Variants in CREB5 observed in about 807,000 individuals in gnomAD.
CREB5 encodes the protein cyclic AMP-responsive element-binding protein 5.
Under a neutral mutation model 57.1 loss-of-function variants are expected in CREB5, and 19 were observed. The observed-to-expected ratio is 0.33, with a 90% CI of 0.23 to 0.49. CREB5 has a LOEUF of 0.49. Among genes scored for constraint, CREB5 ranks in the 20% least tolerant of loss-of-function variants. The probability of loss-of-function intolerance (pLI) is 0.99; values close to 1 mark genes in which losing one functional copy is unlikely to be tolerated. For missense variants in CREB5, 579 were observed against 671.6 expected, an observed-to-expected ratio of 0.86 and a Z score of 1.52; for synonymous variants, 238 against 238.3, an observed-to-expected ratio of 1.00 and a Z score of 0.01.
chr7:28,380,904 C>A (rs951584867), intron 1 of CREB5, among the ~76,000 whole-genome samples: 2 of 152,098 alleles, frequency 1.3e-5, no homozygotes, highest in African/African-American at 4.8e-5. Flanking sequence ...CCCAGCACAG[C>A]AATAGTAAGG....
chr7:28,580,584 TGTGTGTGTGAGA>T (rs1322791655), intron 5 of CREB5, among the ~76,000 whole-genome samples: 1 of 146,012 alleles, frequency 6.8e-6, no homozygotes, highest in Non-Finnish European at 1.5e-5. Flanking sequence ...TGTGTGTGTG[TGTGTGTGTGAGA>T]GAGAGATAGA....
At chr7:28,783,291 G>A (rs944222022) in intron 7 of CREB5, among the ~76,000 whole-genome samples, 41 of 152,138 alleles carry the variant, frequency 2.7e-4, no homozygotes, top group African/African-American at 9.7e-4. Flanking sequence ...TTTGCTGCTT[G>A]ATTAGCCAGC....
intron 5 of CREB5, among the ~76,000 whole-genome samples, chr7:28,704,720 A>G (rs1802022603): frequency 6.6e-6 from 1 of 151,996 alleles, no homozygotes; most frequent in African/African-American, 2.4e-5. Context: ...GCCTCCCAAA[A>G]CACTGGGATT....
At chr7:28,330,002 G>A (rs1785683671) in intron 1 of CREB5, among the ~76,000 whole-genome samples, 2 of 152,184 alleles carry the variant, frequency 1.3e-5, no homozygotes, top group South Asian at 4.1e-4. Context: ...ATCCACTCTG[G>A]CAGCAGCTAA....
intron 5 of CREB5, among the ~76,000 whole-genome samples, chr7:28,638,807 C>G (rs1346408898): frequency 6.6e-6 from 1 of 151,968 alleles, no homozygotes; most frequent in East Asian, 1.9e-4. Flanking sequence ...TTTTCACATC[C>G]CATAGCAAAT....
intron 5 of CREB5, among the ~76,000 whole-genome samples, chr7:28,673,913 A>G (rs1414319708): frequency 6.6e-6 from 1 of 151,960 alleles, no homozygotes; most frequent in African/African-American, 2.4e-5. Context: ...GACTCAAGTA[A>G]TCTGCCCACC....
intron 1 of CREB5, among the ~76,000 whole-genome samples, chr7:28,442,932 C>A (rs1021606143): frequency 6.6e-6 from 1 of 152,290 alleles, no homozygotes; most frequent in Middle Eastern, 3.4e-3. Context: ...AAAGATCATT[C>A]CTTACGTAGG....
At chr7:28,537,767 C>A (rs1370221544) in intron 4 of CREB5, among the ~76,000 whole-genome samples, 2 of 152,136 alleles carry the variant, frequency 1.3e-5, no homozygotes, top group Non-Finnish European at 2.9e-5. Flanking sequence ...AGTTTCAAGC[C>A]CTGCACATTG....
At chr7:28,355,570 A>G (rs1055268347) in intron 1 of CREB5, among the ~76,000 whole-genome samples, 3 of 152,192 alleles carry the variant, frequency 2.0e-5, no homozygotes, top group Admixed American at 2.0e-4. Context: ...TTTTTCTCAG[A>G]CAGACACAGC....
intron 1 of CREB5, among the ~76,000 whole-genome samples, chr7:28,367,102 C>T (rs1164430966): frequency 6.6e-6 from 1 of 152,124 alleles, no homozygotes; most frequent in East Asian, 1.9e-4. Flanking sequence ...CATAGCTTTC[C>T]TTGTGAGTTC....
rs746691713 is a variant in CREB5 at position 28,818,095 on chromosome 7, G to C, written c.1279G>C (p.Glu427Gln). 3.7e-6 allele frequency: 6 copies of C among 1,613,666 alleles called. No homozygotes were observed. The highest frequency in any genetic ancestry group is 5.1e-6 in the Non-Finnish European group (6 of 1,179,722). Residue 427 changes from glutamate to glutamine, a missense_variant, in exon 10 of 11, where the codon GAG becomes CAG. Physicochemically the swap from Glu to Gln is conservative, Grantham distance 29 (BLOSUM62 2). Around this residue, in one of 3 missense-constraint regions of CREB5, gnomAD observed 114 missense variants for 130.8 expected, o/e 0.87. Transcript: ENST00000357727. The stretch of plus-strand genomic sequence containing the variant: ...GAATGAAGTGTCTATGTTGAAAAAT[G>C]AGGTGGCCCAGCTGAAACAGTTGTT... Reference protein sequence around the residue: ...LQNEVSMLKNEVAQLKQLLLT... With the variant: ...LQNEVSMLKNQVAQLKQLLLT...
rs191545889 is a variant in CREB5 at position 28,376,458 on chromosome 7, C to T, written c.-25+77017C>T. Among the ~76,000 whole-genome samples the T allele has an allele frequency of 2.4e-4, 37 of 152,030 alleles. No homozygotes were observed. In the East Asian group the frequency reaches 2.7e-3, roughly 11 times the overall value. On this transcript the variant is annotated intron_variant, in intron 1 of 9. Coordinates refer to the CREB5 transcript ENST00000396299. ...TAATGTTTTGTATTTTTAGTAGAGA[C>T]GAAGTTTCGCCATGTTGGCCAGGCT...
intron 7 of CREB5, among the ~76,000 whole-genome samples, chr7:28,802,154 G>A (rs1808413176): frequency 6.8e-6 from 1 of 147,712 alleles, no homozygotes. Context: ...CATTTAGGAT[G>A]CTGAACTTCT....
intron 5 of CREB5, among the ~76,000 whole-genome samples, chr7:28,694,454 T>G (rs1052330581): frequency 3.3e-5 from 5 of 151,082 alleles, no homozygotes; most frequent in African/African-American, 1.2e-4. Context: ...AGCAGGAAGC[T>G]CCCTGTGACG....
At chr7:28,474,041 G>C (rs1281135647) in intron 1 of CREB5, among the ~76,000 whole-genome samples, 1 of 152,166 alleles carries the variant, frequency 6.6e-6, no homozygotes, top group Admixed American at 6.5e-5. Context: ...TGACTCTCCT[G>C]TTTCAGAGGG....
intron 1 of CREB5, among the ~76,000 whole-genome samples, chr7:28,472,841 A>G (rs553172343): frequency 6.6e-6 from 1 of 152,236 alleles, no homozygotes; most frequent in East Asian, 1.9e-4. Context: ...GGTTGATTTG[A>G]GGCTTGCCTG....
chr7:28,335,506 G>A lies in CREB5; in HGVS notation c.-25+36065G>A, dbSNP rs74337401. 6.5e-3 allele frequency among the ~76,000 whole-genome samples: 987 copies of A among 151,800 alleles called. 5 individuals carry two copies. Among genetic ancestry groups the A allele is most frequent in the African/African-American group, 0.022 (916 of 41,450 alleles). ...ATTTCTTTTTTTCAGATTGATTGCC[G>A]TTGGCCTATAGAAATGCTACTAAGT... On this transcript the variant is annotated intron_variant, in intron 1 of 9. Transcript: ENST00000396299.
chr7:28,791,335 C>T (rs1394449738), intron 7 of CREB5, among the ~76,000 whole-genome samples: 2 of 152,224 alleles, frequency 1.3e-5, no homozygotes, highest in Non-Finnish European at 2.9e-5. Flanking sequence ...TCTTGCTACT[C>T]TCGCGCATCT....
intron 1 of CREB5, among the ~76,000 whole-genome samples, chr7:28,368,960 C>T (rs1786644675): frequency 6.6e-6 from 1 of 152,268 alleles, no homozygotes; most frequent in African/African-American, 2.4e-5. Context: ...GTGGGAGGAT[C>T]GCTTGACCCT....
Sources: gnomAD v4.1 joint callset for allele counts (sites outside exome capture counted in the v4.1 genomes callset) on GRCh38, gnomAD v4.1.1 for gene constraint, gnomAD v4.1.1 regional missense constraint, MANE v1.5 for transcripts, NCBI Gene and HGNC (gene_info 2026-07-23, HGNC 2026-07-21) for gene names.